The following CCDC171 variants were observed in gnomAD, a reference collection of about 807,000 sequenced individuals.
CCDC171 encodes coiled-coil domain-containing protein 171.
Under a neutral mutation model 168.2 loss-of-function variants are expected in CCDC171, and 177 were observed. That is an observed-to-expected ratio of 1.05 (90% CI 0.93 to 1.19). CCDC171 has a LOEUF of 1.19. Ranked by LOEUF, CCDC171 falls within the 50% of genes most tolerant of loss-of-function variation. CCDC171 has a pLI of 0.00. For synonymous variants in CCDC171, 687 were observed against 540.8 expected (o/e 1.27, Z -3.75); for missense variants, 1,991 against 1,539.0 (o/e 1.29, Z -4.91).
At chr9:16,099,417 AAC>A in the CCDC171 span, among the ~76,000 whole-genome samples, 1 of 152,366 alleles carries the variant, frequency 6.6e-6, no homozygotes, top group East Asian at 1.9e-4. Flanking sequence ...AGGCTTCACA[AAC>A]ACAGGGCAAA....
intron 1 of CCDC171, among the ~76,000 whole-genome samples, chr9:15,560,234 T>G (rs189835369): frequency 0.015 from 2,340 of 152,172 alleles, 65 homozygotes; most frequent in African/African-American, 0.053. Context: ...TGGAGTATCT[T>G]TGTGGCGTTC....
intron 21 of CCDC171, among the ~76,000 whole-genome samples, chr9:15,823,856 A>T (rs1416999143): frequency 2.6e-5 from 4 of 152,130 alleles, no homozygotes; most frequent in Non-Finnish European, 4.4e-5. Context: ...TTAGAAGAAG[A>T]TTTACATGAC....
the CCDC171 span, among the ~76,000 whole-genome samples, chr9:16,103,168 C>T: frequency 3.3e-5 from 5 of 152,142 alleles, no homozygotes; most frequent in Non-Finnish European, 7.3e-5. Flanking sequence ...GCTGTGCAAT[C>T]CTGGTTAGGA....
intron 18 of CCDC171, among the ~76,000 whole-genome samples, chr9:15,759,290 C>T (rs1381014418): frequency 6.6e-6 from 1 of 152,116 alleles, no homozygotes; most frequent in Admixed American, 6.5e-5. Context: ...AGTTTGAGAG[C>T]AGGTTGATAG....
At chr9:15,629,879 T>A (rs1263042579) in intron 7 of CCDC171, among the ~76,000 whole-genome samples, 3 of 152,166 alleles carry the variant, frequency 2.0e-5, no homozygotes, top group Non-Finnish European at 4.4e-5. Context: ...TATTCAACAT[T>A]CTTAAAGAAA....
chr9:15,698,693 GTA>G (rs1278917080), intron 11 of CCDC171, among the ~76,000 whole-genome samples: 1 of 151,960 alleles, frequency 6.6e-6, no homozygotes, highest in Non-Finnish European at 1.5e-5. Flanking sequence ...GTATATGTAT[GTA>G]TATACACACA....
intron 22 of CCDC171, among the ~76,000 whole-genome samples, chr9:15,847,683 G>A (rs1174729902): frequency 2.0e-5 from 3 of 151,976 alleles, no homozygotes; most frequent in Admixed American, 6.6e-5. Context: ...AAAAATATAC[G>A]TTAAATATTT....
At chr9:16,076,771 G>A in the CCDC171 span, among the ~76,000 whole-genome samples, 5 of 152,194 alleles carry the variant, frequency 3.3e-5, no homozygotes, top group South Asian at 2.1e-4. Context: ...GTCCACTCTG[G>A]TTAATGGCTC....
At chr9:15,670,089 C>G (rs996935316) in intron 9 of CCDC171, among the ~76,000 whole-genome samples, 1 of 151,910 alleles carries the variant, frequency 6.6e-6, no homozygotes, top group Non-Finnish European at 1.5e-5. Flanking sequence ...CATCAGAATT[C>G]AGAGACAAGG....
chr9:15,637,033 A>G (rs1035044951), intron 7 of CCDC171, among the ~76,000 whole-genome samples: 22 of 152,120 alleles, frequency 1.4e-4, no homozygotes, highest in Non-Finnish European at 1.9e-4. Flanking sequence ...AGGTGGGCCT[A>G]TCACTTGAGG....
At chr9:15,935,701 TG>T (rs1472111927) in intron 25 of CCDC171, among the ~76,000 whole-genome samples, 5 of 152,132 alleles carry the variant, frequency 3.3e-5, no homozygotes, top group Admixed American at 3.3e-4. Context: ...TTAGCGTATT[TG>T]TAAGGAGTAT....
At chr9:15,583,352 C>T (rs891004600) in intron 4 of CCDC171, among the ~76,000 whole-genome samples, 3 of 143,802 alleles carry the variant, frequency 2.1e-5, no homozygotes, top group East Asian at 2.1e-4. Context: ...GCAGAGGTTG[C>T]AGTGAGCCAA....
downstream of CCDC171, among the ~76,000 whole-genome samples, chr9:15,974,478 A>T (rs1215255428): frequency 1.3e-5 from 2 of 152,192 alleles, no homozygotes; most frequent in East Asian, 1.9e-4. Flanking sequence ...AGAGGAAAGG[A>T]AGTTTTACTT....
chr9:15,780,039 A>G (rs2057578824), intron 20 of CCDC171, among the ~76,000 whole-genome samples: 1 of 152,232 alleles, frequency 6.6e-6, no homozygotes, highest in Non-Finnish European at 1.5e-5. Context: ...CTTTTGATTA[A>G]TTTGGAATTT....
intron 24 of CCDC171, among the ~76,000 whole-genome samples, chr9:15,889,742 C>A (rs1016498848): frequency 6.6e-6 from 1 of 152,180 alleles, no homozygotes; most frequent in African/African-American, 2.4e-5. Context: ...ACTTACTTAT[C>A]TTTTCTTACT....
At chr9:15,827,475 A>G (rs1420651320) in intron 21 of CCDC171, among the ~76,000 whole-genome samples, 1 of 152,208 alleles carries the variant, frequency 6.6e-6, no homozygotes, top group Non-Finnish European at 1.5e-5. Context: ...ACTGCTTTCT[A>G]AAATGGAAGT....
At chr9:15,626,476 G>T (rs1307280812) in intron 7 of CCDC171, among the ~76,000 whole-genome samples, 1 of 152,110 alleles carries the variant, frequency 6.6e-6, no homozygotes. Context: ...TTATTGTTTT[G>T]ATATACATCC....
At chr9:15,682,724 G>A (rs1038226217) in intron 10 of CCDC171, among the ~76,000 whole-genome samples, 1 of 151,774 alleles carries the variant, frequency 6.6e-6, no homozygotes, top group South Asian at 2.1e-4. Context: ...GGACATCCAA[G>A]GACTTAACAA....
intron 25 of CCDC171, chr9:15,922,346 A>G (rs902704352): frequency 1.6e-5 from 3 of 182,174 alleles, no homozygotes; most frequent in African/African-American, 7.0e-5. Flanking sequence ...TTGTATATGC[A>G]TTTACTAACT....
Sources: gnomAD v4.1 joint callset for allele counts (sites outside exome capture counted in the v4.1 genomes callset) on GRCh38, gnomAD v4.1.1 for gene constraint, MANE v1.5 for transcripts, NCBI Gene and HGNC (gene_info 2026-07-23, HGNC 2026-07-21) for gene names.